Variants in ITPRID1 observed in about 807,000 individuals in gnomAD.
The protein encoded by ITPRID1 is protein ITPRID1.
A neutral mutation model predicts 95.4 loss-of-function variants in ITPRID1; 96 were observed. That is an observed-to-expected ratio of 1.01 (90% confidence interval 0.85 to 1.19). The LOEUF is 1.19. Among genes scored for constraint, ITPRID1 ranks in the 50% most tolerant of loss-of-function variants. The probability of loss-of-function intolerance (pLI) is 0.00; values close to 1 mark genes in which losing one functional copy is unlikely to be tolerated. For missense variants in ITPRID1, 1,339 were observed against 1,252.9 expected (o/e 1.07, Z -1.04); for synonymous variants, 510 against 453.6 (o/e 1.12, Z -1.58).
intron 1 of ITPRID1, among the ~76,000 whole-genome samples, chr7:31,534,710 C>T (rs1783705846): frequency 6.6e-6 from 1 of 151,870 alleles, no homozygotes; most frequent in Non-Finnish European, 1.5e-5. Flanking sequence ...TCCAGTTGAC[C>T]ATTTCTGTCT....
intron 1 of ITPRID1, among the ~76,000 whole-genome samples, chr7:31,526,847 C>T (rs1349043288): frequency 6.6e-6 from 1 of 152,140 alleles, no homozygotes; most frequent in South Asian, 2.1e-4. Context: ...CTCCTTTTTT[C>T]AGTCTTGTTG....
At chr7:31,634,699 A>G (rs1177073161) in intron 10 of ITPRID1, among the ~76,000 whole-genome samples, 5 of 152,168 alleles carry the variant, frequency 3.3e-5, no homozygotes, top group Non-Finnish European at 7.4e-5. Context: ...CATGAAAAAA[A>G]TTGTGCAGGG....
rs149522056 is a variant in ITPRID1 at position 31,560,603 on chromosome 7, G to C, written c.256+5702G>C. ...AATGTAGACAGGGCAGCATATGCTG[G>C]TGAATGTATGTGGGATATCAAAGAA... On this transcript the variant is annotated intron_variant, in intron 5 of 14. Coordinates refer to ENST00000615280, the MANE Select transcript of ITPRID1 (RefSeq NM_001257967.3). Among the ~76,000 whole-genome samples, 23 of 152,268 alleles carry C rather than the reference G, an allele frequency of 1.5e-4. No individual in the cohort carries two copies. In the East Asian group the frequency reaches 4.2e-3, roughly 28 times the overall value.
At chr7:31,611,695 C>T (rs1583571092) in intron 10 of ITPRID1, among the ~76,000 whole-genome samples, 1 of 151,906 alleles carries the variant, frequency 6.6e-6, no homozygotes, top group African/African-American at 2.4e-5. Context: ...CTACAGCCTT[C>T]AGGTTGCATG....
chr7:31,552,639 T>G (rs1041558601), intron 2 of ITPRID1, among the ~76,000 whole-genome samples: 6 of 152,098 alleles, frequency 3.9e-5, no homozygotes, highest in Middle Eastern at 3.2e-3. Context: ...CAAAAATAAT[T>G]TTATAGATAT....
chr7:31,614,244 A>C (rs1787011878), intron 10 of ITPRID1, among the ~76,000 whole-genome samples: 1 of 152,220 alleles, frequency 6.6e-6, no homozygotes, highest in African/African-American at 2.4e-5. Flanking sequence ...GGGCAGGTGA[A>C]GAAGTAACTT....
intron 1 of ITPRID1, among the ~76,000 whole-genome samples, chr7:31,521,621 TCCTTCCTTCCTTCC>T (rs1783255592): frequency 1.9e-4 from 1 of 5,248 alleles, no homozygotes; most frequent in African/African-American, 1.1e-3. Flanking sequence ...CTCCTTTCCC[TCCTTCCTTCCTTCC>T]TTCCTTCCTT....
chr7:31,600,423 G>T (rs937184818), intron 10 of ITPRID1, among the ~76,000 whole-genome samples: 1 of 152,122 alleles, frequency 6.6e-6, no homozygotes, highest in African/African-American at 2.4e-5. Context: ...CGCATAAAGT[G>T]GACAATTATG....
In ITPRID1 at chr7:31,652,946, C is replaced by G. The variant is rs187942842; in HGVS notation, c.*117C>G. ...TGCCAACCCATTGTCAGCTATATCT[C>G]TCATATTCTACCCTTTGGTTAAACC... On this transcript the variant is annotated 3_prime_UTR_variant, in exon 15 of 15. Transcript: ENST00000615280. 4 of 1,492,476 alleles carry G rather than the reference C, an allele frequency of 2.7e-6. No homozygotes were observed. The highest frequency in any genetic ancestry group is 3.6e-6 in the Non-Finnish European group (4 of 1,123,200). 92.5% of individuals were successfully genotyped at this position (1,492,476 alleles called of 1,614,324 possible). A position where few individuals can be genotyped will look rare whatever the true frequency, so the allele number is the denominator to read the frequency against.
intron 10 of ITPRID1, among the ~76,000 whole-genome samples, chr7:31,613,184 C>CTGAT (rs1360166273): frequency 6.6e-6 from 1 of 152,076 alleles, no homozygotes; most frequent in Non-Finnish European, 1.5e-5. Context: ...TATTCCAAGG[C>CTGAT]TGATTGTTTT....
chr7:31,616,423 T>C (rs1331888188), intron 10 of ITPRID1, among the ~76,000 whole-genome samples: 3 of 6,936 alleles, frequency 4.3e-4, no homozygotes, highest in South Asian at 4.7e-3. Context: ...CTGTCTTAGG[T>C]TGGATTCCCA....
At chr7:31,622,913 A>T (rs1199984286) in intron 10 of ITPRID1, among the ~76,000 whole-genome samples, 1 of 152,242 alleles carries the variant, frequency 6.6e-6, no homozygotes, top group Non-Finnish European at 1.5e-5. Context: ...ATAAAAAATG[A>T]TAAAGGGGAT....
At position 31,652,065 on chromosome 7, in the gene ITPRID1, G is replaced by T. The variant is rs547315710; in HGVS notation, c.2823+15G>T. 4 of 1,556,506 alleles carry T rather than the reference G, an allele frequency of 2.6e-6. No individual in the cohort carries two copies. The highest frequency in any genetic ancestry group is 3.7e-5 in the Admixed American group (2 of 54,788). On this transcript the variant is annotated intron_variant, in intron 14 of 14. Coordinates refer to ENST00000615280, the MANE Select transcript of ITPRID1 (RefSeq NM_001257967.3). ...GGATTTTACTGGTATGGGTGATGGG[G>T]TGTGGAGTTTGACTATATCCAGCCT...
chr7:31,603,855 T>C (rs1456405772), intron 10 of ITPRID1, among the ~76,000 whole-genome samples: 1 of 152,184 alleles, frequency 6.6e-6, no homozygotes, highest in Non-Finnish European at 1.5e-5. Context: ...TCCTTTTTCA[T>C]ATGTCAAAAG....
At chr7:31,547,840 G>A (rs749979397) in intron 1 of ITPRID1, among the ~76,000 whole-genome samples, 1 of 152,090 alleles carries the variant, frequency 6.6e-6, no homozygotes, top group East Asian at 1.9e-4. Flanking sequence ...CACAAAATGT[G>A]TATAGACATT....
intron 10 of ITPRID1, among the ~76,000 whole-genome samples, chr7:31,594,139 T>C (rs1179577127): frequency 6.6e-6 from 1 of 152,214 alleles, no homozygotes; most frequent in Non-Finnish European, 1.5e-5. Context: ...TGTGTTACAG[T>C]TGCCTACAGT....
At chr7:31,537,978 G>A (rs1403619525) in intron 1 of ITPRID1, among the ~76,000 whole-genome samples, 2 of 152,164 alleles carry the variant, frequency 1.3e-5, no homozygotes, top group African/African-American at 2.4e-5. Context: ...TTCAATGGAT[G>A]CACAGTATTC....
At chr7:31,589,566 C>T (rs1379556902) in intron 10 of ITPRID1, among the ~76,000 whole-genome samples, 2 of 151,778 alleles carry the variant, frequency 1.3e-5, no homozygotes, top group Admixed American at 6.6e-5. Context: ...TGATAGAAAT[C>T]AAAGATAAAA....
intron 9 of ITPRID1, among the ~76,000 whole-genome samples, chr7:31,582,710 T>C: frequency 6.6e-6 from 1 of 152,320 alleles, no homozygotes; most frequent in African/African-American, 2.4e-5. Flanking sequence ...AATTTTGTTC[T>C]AGCAATTTGG....
Sources: allele counts gnomAD v4.1 joint callset (sites outside exome capture counted in the v4.1 genomes callset), GRCh38; gene constraint gnomAD v4.1.1; transcripts MANE v1.5; gene names NCBI Gene and HGNC (gene_info 2026-07-23, HGNC 2026-07-21).